PCDHGB1: variants seen among roughly 807,000 people sequenced by gnomAD.
The protein encoded by PCDHGB1 is protocadherin gamma subfamily B, 1.
A neutral mutation model predicts 56.6 loss-of-function variants in PCDHGB1; 34 were observed. That is an observed-to-expected ratio of 0.60 (90% CI 0.46 to 0.80). The LOEUF is 0.80. PCDHGB1 is among the 30% of genes least tolerant of loss of function. PCDHGB1 has a pLI of 0.00. For synonymous variants in PCDHGB1, 561 were observed against 505.9 expected (o/e 1.11, Z -1.46); for missense variants, 1,278 against 1,204.6 (o/e 1.06, Z -0.90).
rs1317717658 is a variant in PCDHGB1, at chr5:141,476,494, G to A, written c.2410-18313G>A. On this transcript the variant is annotated intron_variant, in intron 1 of 3. Coordinates refer to ENST00000523390, the MANE Select transcript of PCDHGB1 (RefSeq NM_018922.3). The surrounding 1 kb of genome is among the most constrained non-coding windows in gnomAD (Gnocchi z 7.6). ...TGTTCAGCGTGGAAGTGGTGATCCA[G>A]GACATCAACGACAACAATCCTGCTT... The A allele has an allele frequency of 6.2e-7, 1 of 1,614,012 alleles. No individual in the cohort carries two copies. The highest frequency in any genetic ancestry group is 8.5e-7 in the Non-Finnish European group (1 of 1,179,988).
chr5:141,483,436 C>T, intron 1 of PCDHGB1, among the ~76,000 whole-genome samples: 1 of 152,198 alleles, frequency 6.6e-6, no homozygotes, highest in Non-Finnish European at 1.5e-5. Context: ...GAGCTGACTA[C>T]AATAAAATCA....
rs1428628914 is a variant in PCDHGB1, at chr5:141,487,223, G to A, written c.2410-7584G>A. 1.2e-6 allele frequency: 2 copies of A among 1,614,076 alleles called. No homozygotes were observed. The highest frequency in any genetic ancestry group is 2.2e-5 in the East Asian group (1 of 44,866). The stretch of plus-strand genomic sequence containing the variant: ...TCTTCGAGAATCTTCAGCTCCAAGG[G>A]AAGGAGAATCTCGTCTAACCCTCTA... On this transcript the variant is annotated intron_variant, in intron 1 of 3. Transcript: ENST00000523390. This position sits in a 1 kb window ranked among gnomAD's most constrained non-coding sequence, Gnocchi z 5.0.
At chr5:141,438,538 A>G (rs950527053) in intron 1 of PCDHGB1, among the ~76,000 whole-genome samples, 2 of 145,166 alleles carry the variant, frequency 1.4e-5, no homozygotes, top group African/African-American at 2.6e-5. Context: ...CTTTTCCTCT[A>G]TATCTAAGCC....
intron 3 of PCDHGB1, among the ~76,000 whole-genome samples, chr5:141,506,402 G>A (rs1032556978): frequency 2.8e-5 from 4 of 143,790 alleles, no homozygotes; most frequent in East Asian, 2.0e-4. Flanking sequence ...GCAGAAAATC[G>A]CACCACTGCA....
chr5:141,463,467 G>A (rs200270457), intron 1 of PCDHGB1, among the ~76,000 whole-genome samples: 2,116 of 11,250 alleles, frequency 0.19, 39 homozygotes, highest in East Asian at 0.24. Context: ...TTTTTTTTTT[G>A]AGATGGAGTC....
intron 1 of PCDHGB1, chr5:141,384,982 G>A: frequency 6.2e-7 from 1 of 1,614,144 alleles, no homozygotes; most frequent in South Asian, 1.1e-5. Context: ...GTACCTGGTG[G>A]TGGCGGTGGC....
chr5:141,359,431 A>C (rs1429796620), intron 1 of PCDHGB1, among the ~76,000 whole-genome samples: 1 of 151,820 alleles, frequency 6.6e-6, no homozygotes, highest in African/African-American at 2.4e-5. Flanking sequence ...TAGAATGGGC[A>C]GTGGGTTTCT....
intron 1 of PCDHGB1, among the ~76,000 whole-genome samples, chr5:141,460,983 GTATATATATATA>G (rs59296681): frequency 7.3e-6 from 1 of 137,780 alleles, no homozygotes. Flanking sequence ...GTGTGTGTGT[GTATATATATATA>G]TGTGTATATA....
At position 141,404,162 on chromosome 5, in the gene PCDHGB1, T is replaced by C. The variant is rs768188662; in HGVS notation, c.2409+51493T>C. The C allele has an allele frequency of 2.0e-5, 33 of 1,613,076 alleles. No homozygotes were observed. In the East Asian group the frequency reaches 7.4e-4, roughly 36 times the overall value. ...AAATTCAGAAGAAGATTATTACAGA[T>C]TGTTGACGGCCCAAATTCTTGACCG... On this transcript the variant is annotated intron_variant, in intron 1 of 3. Transcript: ENST00000523390.
At chr5:141,400,332 T>TC (rs772688780) in intron 1 of PCDHGB1, 6 of 1,613,994 alleles carry the variant, frequency 3.7e-6, no homozygotes, top group South Asian at 3.3e-5. Flanking sequence ...GACCTGTGGT[T>TC]CCCCCCAACT....
intron 1 of PCDHGB1, among the ~76,000 whole-genome samples, chr5:141,437,829 C>T (rs2097913718): frequency 6.6e-6 from 1 of 151,986 alleles, no homozygotes; most frequent in Admixed American, 6.6e-5. Flanking sequence ...CCTCTGCCTC[C>T]TGGGTTCATG....
rs769351399 is a variant in PCDHGB1, at chr5:141,432,649, A to G, written c.2410-62158A>G. The G allele has an allele frequency of 6.2e-7, 1 of 1,613,742 alleles. No homozygotes were observed. The highest frequency in any genetic ancestry group is 1.1e-5 in the South Asian group (1 of 91,054). ...ACACGGGCGAGGTGCGCACGGCGCG[A>G]GCCCTGCTGGACAGAGACGCGCTCA... is the stretch of plus-strand genomic sequence containing the variant. On this transcript the variant is annotated intron_variant, in intron 1 of 3. Coordinates refer to ENST00000523390, the MANE Select transcript of PCDHGB1 (RefSeq NM_018922.3). The surrounding 1 kb of genome is among the most constrained non-coding windows in gnomAD (Gnocchi z 6.0).
At chr5:141,416,761 C>G (rs1371541017) in intron 1 of PCDHGB1, 2 of 152,140 alleles carry the variant, frequency 1.3e-5, no homozygotes, top group Non-Finnish European at 2.9e-5. Context: ...AGGTAGATCT[C>G]TTAATTTTAT....
chr5:141,353,931 C>T lies in PCDHGB1; in HGVS notation c.2409+1262C>T, dbSNP rs192622992. On this transcript the variant is annotated intron_variant, in intron 1 of 3. Transcript: ENST00000523390. ...TGCCCTTTTGTATGAGTCATTTCTA[C>T]TGCTAATTGTTAAGTGAGGAATAAG... Among the ~76,000 whole-genome samples the T allele has an allele frequency of 8.7e-4, 133 of 152,336 alleles. 1 individual carries two copies. The highest frequency in any genetic ancestry group is 3.1e-3 in the African/African-American group (128 of 41,572).
rs2099735810 is a variant in PCDHGB1 at position 141,491,979 on chromosome 5, G to A, written c.2410-2828G>A. On this transcript the variant is annotated intron_variant, in intron 1 of 3. Transcript: ENST00000523390. This position sits in a 1 kb window ranked among gnomAD's most constrained non-coding sequence, Gnocchi z 6.9. ...CAAAAAAGGCCGGGGCCTCCTTCGA[G>A]CTTCCGGTGAATTTCGGGCGATTTC... 6.4e-6 allele frequency: 5 copies of A among 787,296 alleles called. No homozygotes were observed. Among genetic ancestry groups the A allele is most frequent in the Non-Finnish European group, 9.4e-6 (5 of 533,208 alleles). 48.8% of individuals were successfully genotyped at this position (787,296 alleles called of 1,614,324 possible).
Position 141,394,580 on chromosome 5 carries a change from C to T in PCDHGB1, c.2409+41911C>T, listed in dbSNP as rs779590383. ...CCGCAGAGCGTGGCTACCTGGTGAC[C>T]AAGGTGGTGGCGGTGGACAGAGACT... On this transcript the variant is annotated intron_variant, in intron 1 of 3. Transcript: ENST00000523390. The T allele has an allele frequency of 1.5e-5, 24 of 1,613,914 alleles. No individual in the cohort carries two copies. The South Asian group carries it at 2.6e-4, about 18-fold the overall frequency.
At chr5:141,470,574 CA>C (rs1369567985) in intron 1 of PCDHGB1, among the ~76,000 whole-genome samples, 1 of 152,188 alleles carries the variant, frequency 6.6e-6, no homozygotes, top group Non-Finnish European at 1.5e-5. Flanking sequence ...CAAGCAGGAT[CA>C]ACTTCATAGG....
At chr5:141,355,321 G>A in intron 1 of PCDHGB1, 1 of 1,613,994 alleles carries the variant, frequency 6.2e-7, no homozygotes. Context: ...GGAGCAGGAA[G>A]AAGGCTCAGT....
At position 141,459,716 on chromosome 5, in the gene PCDHGB1, C is replaced by T. The variant is rs1592633942; in HGVS notation, c.2410-35091C>T. On this transcript the variant is annotated intron_variant, in intron 1 of 3. Coordinates refer to ENST00000523390, the MANE Select transcript of PCDHGB1 (RefSeq NM_018922.3). ...CGCTTGCTACATTTTCTCACCAATG[C>T]TTCCTATTGTCAATTTTTTAAATTT... is the stretch of plus-strand genomic sequence containing the variant. Among the ~76,000 whole-genome samples the T allele has an allele frequency of 2.0e-5, 3 of 152,334 alleles. No homozygotes were observed. In the South Asian group the frequency reaches 6.2e-4, roughly 32 times the overall value.
Sources: allele counts gnomAD v4.1 joint callset (sites outside exome capture counted in the v4.1 genomes callset), GRCh38; gene constraint gnomAD v4.1.1; non-coding constraint Gnocchi (gnomAD v3.1); transcripts MANE v1.5; gene names NCBI Gene and HGNC (gene_info 2026-07-23, HGNC 2026-07-21).